The following SUCNR1 variants were observed in gnomAD, a reference collection of about 807,000 sequenced individuals.
SUCNR1 encodes the protein G-protein coupled receptor 91.
SUCNR1 carries 5 observed loss-of-function variants against 2.4 expected under a neutral mutation model. That is an observed-to-expected ratio of 2.07 (90% CI 1.08 to 4.36). The LOEUF (loss-of-function observed/expected upper bound fraction) is 4.36, where lower values mean the gene tolerates loss of function less well. Ranked by LOEUF, SUCNR1 falls within the 30% of genes most tolerant of loss-of-function variation. SUCNR1 has a pLI of 0.00. For synonymous variants in SUCNR1, 162 were observed against 143.9 expected (o/e 1.13, Z -0.90); for missense variants, 373 against 399.2 (o/e 0.93, Z 0.56).
rs1165536467 is a variant in SUCNR1 at position 151,880,837 on chromosome 3, C to A, written c.294C>A (p.Asn98Lys). 6.2e-7 allele frequency: 1 copy of A among 1,614,116 alleles called. No homozygotes were observed. Among genetic ancestry groups the A allele is most frequent in the Non-Finnish European group, 8.5e-7 (1 of 1,180,018 alleles). Reference protein sequence around the residue: ...WIYGDVLCISNRYVLHANLYT... With the variant: ...WIYGDVLCISKRYVLHANLYT... Reference sequence around the variant, plus strand: ...ATGGAGACGTGCTCTGCATAAGCAACCGATATGTGCTTCATGCCAACCTCT... The same window carrying A: ...ATGGAGACGTGCTCTGCATAAGCAAACGATATGTGCTTCATGCCAACCTCT... The change falls in exon 3 of 3, where the codon AAC (asparagine) becomes AAA (lysine). Residue 98 changes from asparagine (N) to lysine (K), a missense_variant. Asn to Lys is a moderately conservative substitution (Grantham distance 94). Coordinates refer to ENST00000362032, the MANE Select transcript of SUCNR1 (RefSeq NM_033050.6).
rs747965586 is a variant in SUCNR1, at chr3:151,880,578, A to T, written c.35A>T (p.Lys12Ile). 2.5e-6 allele frequency: 4 copies of T among 1,606,850 alleles called. No individual in the cohort carries two copies. Among genetic ancestry groups the T allele is most frequent in the Non-Finnish European group, 2.5e-6 (3 of 1,177,234 alleles). Residue 12 changes from lysine (K) to isoleucine (I), a missense_variant, in exon 3 of 3, where the codon AAA becomes ATA. Lys to Ile is a moderately radical substitution (Grantham distance 102). Transcript: ENST00000362032. ...CTTTAGGCATGGAATGCAACTTGCA[A>T]AAACTGGCTGGCAGCAGAGGCTGCC... ...LGIMAWNATC[K>I]NWLAAEAALE... is the part of the protein sequence containing the mutation.
intron 1 of SUCNR1, among the ~76,000 whole-genome samples, chr3:151,874,109 C>CATAT (rs1455124493): frequency 1.2e-5 from 1 of 82,416 alleles, no homozygotes; most frequent in African/African-American, 5.2e-5. Context: ...CACACACACA[C>CATAT]ACACACATAT....
chr3:151,877,820 T>C (rs1717968037), intron 1 of SUCNR1, among the ~76,000 whole-genome samples: 1 of 152,110 alleles, frequency 6.6e-6, no homozygotes, highest in Non-Finnish European at 1.5e-5. Flanking sequence ...GAGTTGTTGA[T>C]GTATAGTTGG....
chr3:151,879,964 A>G, intron 2 of SUCNR1, 57 bp downstream of exon 2: 2 of 1,388,372 alleles, frequency 1.4e-6, no homozygotes, highest in Middle Eastern at 1.8e-4. Flanking sequence ...ATTTTATCAT[A>G]CGTTCCCTTT....
Position 151,878,523 on chromosome 3 carries a change from TA to T in SUCNR1, c.-41-1322del, listed in dbSNP as rs570749417. 7.9e-5 allele frequency among the ~76,000 whole-genome samples: 12 copies of T among 152,070 alleles called. No individual in the cohort carries two copies. The East Asian group carries it at 1.4e-3, about 17-fold the overall frequency. On this transcript the variant is annotated intron_variant, in intron 1 of 2. Coordinates refer to ENST00000362032, the MANE Select transcript of SUCNR1 (RefSeq NM_033050.6). ...AGTAAATGAAAAAAGTTTTAAGAGA[TA>T]AAAAAATATGAAATTGAGAAATATA...
Position 151,881,068 on chromosome 3 carries a change from T to C in SUCNR1, c.525T>C (p.Phe175=). The change falls in exon 3 of 3, where the codon TTT becomes TTC. Residue 175 remains phenylalanine (F), a synonymous_variant. Transcript: ENST00000362032. ...ITDNGTTCND[F]ASSGDPNYNL... ...ACAATGGCACCACCTGTAATGATTTTGCAAGTTCTGGAGACCCCAACTACA... is the reference window on the plus strand; with the variant it reads ...ACAATGGCACCACCTGTAATGATTTCGCAAGTTCTGGAGACCCCAACTACA... The C allele has an allele frequency of 1.9e-6, 3 of 1,614,194 alleles. No individual in the cohort carries two copies. Among genetic ancestry groups the C allele is most frequent in the Non-Finnish European group, 2.5e-6 (3 of 1,180,042 alleles).
intron 1 of SUCNR1, 28 bp downstream of exon 1, chr3:151,873,734 C>T (rs1450223093): frequency 6.6e-6 from 1 of 152,346 alleles, no homozygotes; most frequent in African/African-American, 2.4e-5. Context: ...TTGTGCCTCT[C>T]AGTGTATAAA....
intron 1 of SUCNR1, among the ~76,000 whole-genome samples, chr3:151,874,125 CATATATATAT>C (rs1171918094): frequency 1.2e-5 from 1 of 86,886 alleles, no homozygotes; most frequent in African/African-American, 5.0e-5. Flanking sequence ...CATATACATA[CATATATATAT>C]ATATATATAT....
At chr3:151,879,819 T>C in intron 1 of SUCNR1, 33 bp from the exon 2 acceptor site, 1 of 1,066,796 alleles carries the variant, frequency 9.4e-7, no homozygotes, top group South Asian at 2.0e-5. Context: ...ATAGTGAGAC[T>C]GAAGTTCTAA....
Position 151,881,190 on chromosome 3 carries a change from A to T in SUCNR1, c.647A>T (p.Gln216Leu). The T allele has an allele frequency of 6.2e-7, 1 of 1,614,182 alleles. No homozygotes were observed. The highest frequency in any genetic ancestry group is 8.5e-7 in the Non-Finnish European group (1 of 1,180,036). The change falls in exon 3 of 3, where the codon CAG (glutamine) becomes CTG (leucine). Residue 216 changes from glutamine (Q) to leucine (L), a missense_variant. Physicochemically the swap from Gln to Leu is moderately radical, Grantham distance 113 (BLOSUM62 -2). Transcript: ENST00000362032. The part of the protein sequence containing the change: ...FYYKIALFLK[Q>L]RNRQVATALP... Reference sequence around the variant, plus strand: ...TACAAGATTGCTCTCTTCCTAAAGCAGAGGAATAGGCAGGTTGCTACTGCT... The same window carrying T: ...TACAAGATTGCTCTCTTCCTAAAGCTGAGGAATAGGCAGGTTGCTACTGCT...
chr3:151,880,969 C>A lies in SUCNR1; in HGVS notation c.426C>A (p.Ile142=). 6.8e-6 allele frequency: 11 copies of A among 1,614,050 alleles called. No homozygotes were observed. The highest frequency in any genetic ancestry group is 7.6e-6 in the Non-Finnish European group (9 of 1,179,994). ...AAAAGAAAGAGTTTGCTATTTTAAT[C>A]TCCTTGGCCATTTGGGTTTTAGTAA... ...LLQKKEFAIL[I]SLAIWVLVTL... The change falls in exon 3 of 3, where the codon ATC becomes ATA. Residue 142 remains isoleucine (I), a synonymous_variant. Transcript: ENST00000362032.
chr3:151,882,515 A>G lies in SUCNR1; in HGVS notation c.*967A>G, dbSNP rs1718132382. The G allele has an allele frequency of 6.6e-6, 1 of 152,208 alleles. No individual in the cohort carries two copies. The highest frequency in any genetic ancestry group is 6.5e-5 in the Admixed American group (1 of 15,280). 9.4% of individuals were successfully genotyped at this position (152,208 alleles called of 1,614,324 possible). On this transcript the variant is annotated 3_prime_UTR_variant, in exon 3 of 3. Transcript: ENST00000362032. ...AACTGATAATACTAGATTCATTGGG[A>G]TAGTTTTCCCTTTTGGAGGGAAAGT...
rs1200660425 is a variant in SUCNR1 at position 151,884,274 on chromosome 3, A to G, written c.*2726A>G. On this transcript the variant is annotated 3_prime_UTR_variant, in exon 3 of 3. Transcript: ENST00000362032. ...TAAGTAACATTATTTTATATGAAGA[A>G]TAGAGTGTATATACATAAACCCATG... 6.6e-6 allele frequency: 1 copy of G among 152,228 alleles called. No individual in the cohort carries two copies. Among genetic ancestry groups the G allele is most frequent in the Non-Finnish European group, 1.5e-5 (1 of 68,038 alleles). 9.4% of individuals were successfully genotyped at this position (152,228 alleles called of 1,614,324 possible). A position where few individuals can be genotyped will look rare whatever the true frequency, so the allele number is the denominator to read the frequency against.
intron 1 of SUCNR1, among the ~76,000 whole-genome samples, chr3:151,874,964 C>G (rs1717879144): frequency 6.6e-6 from 1 of 152,014 alleles, no homozygotes; most frequent in Middle Eastern, 3.9e-3. Flanking sequence ...AAGAAACTAT[C>G]ACATATATAT....
At position 151,884,153 on chromosome 3, in the gene SUCNR1, G is replaced by A. The variant is rs1718183706; in HGVS notation, c.*2605G>A. 6.6e-6 allele frequency: 1 copy of A among 152,088 alleles called. No homozygotes were observed. The highest frequency in any genetic ancestry group is 6.5e-5 in the Admixed American group (1 of 15,286). The allele number at this position is 152,088 out of a possible 1,614,324, so 9.4% of individuals were successfully genotyped here. On this transcript the variant is annotated 3_prime_UTR_variant, in exon 3 of 3. Transcript: ENST00000362032. ...ATAGCTGAGTACTCTTAAAATTACT[G>A]TTTATTATAAGTGAATGTCTTACAG...
chr3:151,876,414 T>C (rs1022247749), intron 1 of SUCNR1, among the ~76,000 whole-genome samples: 1 of 152,162 alleles, frequency 6.6e-6, no homozygotes, highest in Non-Finnish European at 1.5e-5. Flanking sequence ...ACATTTTTGC[T>C]ATATTTCTAG....
At chr3:151,878,089 T>C (rs912786769) in intron 1 of SUCNR1, among the ~76,000 whole-genome samples, 1 of 152,104 alleles carries the variant, frequency 6.6e-6, no homozygotes, top group Non-Finnish European at 1.5e-5. Flanking sequence ...TGAAAAATGA[T>C]TATTGGAATG....
At chr3:151,874,142 ATATATTTT>A (rs1176389272) in intron 1 of SUCNR1, among the ~76,000 whole-genome samples, 15 of 53,150 alleles carry the variant, frequency 2.8e-4, no homozygotes, top group Non-Finnish European at 4.4e-4. Context: ...ATATATATAT[ATATATTTT>A]TTTTTTTTTT....
Position 151,880,819 on chromosome 3 carries a change from C to T in SUCNR1, c.276C>T (p.Asp92=), listed in dbSNP as rs1718069350. ...SYANGNWIYG[D]VLCISNRYVL... is the part of the protein sequence containing the mutation. Reference sequence around the variant, plus strand: ...CCAATGGAAACTGGATATATGGAGACGTGCTCTGCATAAGCAACCGATATG... The same window carrying T: ...CCAATGGAAACTGGATATATGGAGATGTGCTCTGCATAAGCAACCGATATG... Residue 92 remains aspartate (D), a synonymous_variant, in exon 3 of 3, where the codon GAC becomes GAT. Transcript: ENST00000362032. 2.5e-6 allele frequency: 4 copies of T among 1,614,122 alleles called. No homozygotes were observed. Among genetic ancestry groups the T allele is most frequent in the African/African-American group, 1.3e-5 (1 of 75,038 alleles).
Sources: allele counts gnomAD v4.1 joint callset (sites outside exome capture counted in the v4.1 genomes callset), GRCh38; gene constraint gnomAD v4.1.1; transcripts MANE v1.5; gene names NCBI Gene and HGNC (gene_info 2026-07-23, HGNC 2026-07-21).